SEL1L3: variants seen among roughly 807,000 people sequenced by gnomAD.
SEL1L3 encodes the protein SEL1L family member 3.
SEL1L3 carries 76 observed loss-of-function variants against 142.8 expected under a neutral mutation model. The observed-to-expected ratio is 0.53, with a 90% CI of 0.44 to 0.64. The LOEUF (loss-of-function observed/expected upper bound fraction) is 0.64. Among genes scored for constraint, SEL1L3 ranks in the 30% least tolerant of loss-of-function variants. SEL1L3 has a pLI of 0.00. For missense variants in SEL1L3, 1,262 were observed against 1,381.7 expected (o/e 0.91, Z 1.37); for synonymous variants, 504 against 519.6 (o/e 0.97, Z 0.41).
chr4:25,848,323 G>A (rs752827936), intron 1 of SEL1L3, among the ~76,000 whole-genome samples: 4 of 152,158 alleles, frequency 2.6e-5, no homozygotes, highest in East Asian at 1.9e-4. Flanking sequence ...GTGCACCCTC[G>A]AGGGAACATA....
At chr4:25,769,851 C>T (rs868500108) in intron 17 of SEL1L3, among the ~76,000 whole-genome samples, 5 of 152,064 alleles carry the variant, frequency 3.3e-5, no homozygotes, top group Non-Finnish European at 7.4e-5. Flanking sequence ...TCTGGCCAGG[C>T]GTGTGGTTGC....
intron 23 of SEL1L3, among the ~76,000 whole-genome samples, chr4:25,752,691 GCT>G: frequency 6.6e-6 from 1 of 152,268 alleles, no homozygotes; most frequent in East Asian, 1.9e-4. Context: ...AGCAATCTGG[GCT>G]CTCTGCAGCC....
intron 9 of SEL1L3, among the ~76,000 whole-genome samples, chr4:25,806,078 G>A (rs1235822479): frequency 7.2e-6 from 1 of 139,478 alleles, no homozygotes; most frequent in African/African-American, 2.7e-5. Context: ...TTGCTCTGTC[G>A]CCCAGGCTGG....
chr4:25,862,325 G>C (rs1272594775), intron 1 of SEL1L3, among the ~76,000 whole-genome samples: 1 of 150,974 alleles, frequency 6.6e-6, no homozygotes, highest in African/African-American at 2.4e-5. Context: ...GGGGGTGCTG[G>C]AGACTGCGCG....
At chr4:25,841,958 TC>T (rs1182212062) in intron 2 of SEL1L3, among the ~76,000 whole-genome samples, 3 of 152,082 alleles carry the variant, frequency 2.0e-5, no homozygotes, top group Admixed American at 6.5e-5. Context: ...AGACCCTGTC[TC>T]AAAAAAATTA....
intron 19 of SEL1L3, among the ~76,000 whole-genome samples, chr4:25,767,306 G>T (rs1577572930): frequency 2.0e-5 from 3 of 151,994 alleles, no homozygotes; most frequent in African/African-American, 7.3e-5. Flanking sequence ...CAAAAAATAA[G>T]AAATGTTGGG....
At chr4:25,765,583 G>A in intron 19 of SEL1L3, 148 bp from the exon 20 acceptor site, 1 of 602,826 alleles carries the variant, frequency 1.7e-6, no homozygotes, top group Non-Finnish European at 2.9e-6. Flanking sequence ...TGTCAAGAGA[G>A]AAACAAGCAA....
intron 9 of SEL1L3, among the ~76,000 whole-genome samples, chr4:25,806,913 A>G (rs1713620657): frequency 1.3e-5 from 2 of 152,040 alleles, no homozygotes; most frequent in Admixed American, 6.6e-5. Flanking sequence ...CAGAAATCCC[A>G]TCTCCCTCAA....
At chr4:25,800,245 A>T (rs905238125) in intron 11 of SEL1L3, among the ~76,000 whole-genome samples, 1 of 152,206 alleles carries the variant, frequency 6.6e-6, no homozygotes, top group African/African-American at 2.4e-5. Flanking sequence ...GAATTAATAG[A>T]TTTCTCAACA....
chr4:25,775,009 T>C (rs1719510532), intron 17 of SEL1L3, among the ~76,000 whole-genome samples: 1 of 152,162 alleles, frequency 6.6e-6, no homozygotes, highest in Admixed American at 6.6e-5. Context: ...CACTCCGATA[T>C]CTGAATGTTT....
At chr4:25,849,640 C>T (rs1229500389) in intron 1 of SEL1L3, among the ~76,000 whole-genome samples, 1 of 152,120 alleles carries the variant, frequency 6.6e-6, no homozygotes, top group Non-Finnish European at 1.5e-5. Context: ...GTCCTTAACA[C>T]CACTGAACTG....
chr4:25,766,605 C>G (rs917145204), intron 19 of SEL1L3, among the ~76,000 whole-genome samples: 1 of 152,084 alleles, frequency 6.6e-6, no homozygotes, highest in Admixed American at 6.6e-5. Flanking sequence ...CAGAGATCAG[C>G]AGTGAGAAGG....
intron 23 of SEL1L3, among the ~76,000 whole-genome samples, chr4:25,749,853 C>T (rs1717471743): frequency 6.6e-6 from 1 of 152,154 alleles, no homozygotes; most frequent in Non-Finnish European, 1.5e-5. Context: ...CAATTTTACA[C>T]AGTTGAACAG....
At chr4:25,815,706 C>T (rs1172531943) in intron 9 of SEL1L3, among the ~76,000 whole-genome samples, 1 of 152,022 alleles carries the variant, frequency 6.6e-6, no homozygotes, top group Non-Finnish European at 1.5e-5. Context: ...GCTTCGTCAC[C>T]TCCAGACAAC....
chr4:25,716,622 T>C, the SEL1L3 span, among the ~76,000 whole-genome samples: 2 of 152,196 alleles, frequency 1.3e-5, no homozygotes, highest in Admixed American at 6.5e-5. Context: ...ATTACAAAAT[T>C]GAACATTATA....
chr4:25,823,300 G>A lies in SEL1L3; in HGVS notation c.1158-1172C>T, dbSNP rs532717812. On this transcript the variant is annotated intron_variant, in intron 6 of 23. Coordinates refer to ENST00000399878, the MANE Select transcript of SEL1L3 (RefSeq NM_015187.5). ...GGAGGCCAAGGTGGGCAGATCACCT[G>A]AGGTCAGGAGTTCAAGACCAGCCTG... Among the ~76,000 whole-genome samples, 5 of 152,340 alleles carry A rather than the reference G, an allele frequency of 3.3e-5. No homozygotes were observed. In the East Asian group the frequency reaches 9.6e-4, roughly 29 times the overall value.
intron 23 of SEL1L3, among the ~76,000 whole-genome samples, chr4:25,750,335 G>A (rs973934443): frequency 1.3e-5 from 2 of 152,014 alleles, no homozygotes; most frequent in East Asian, 1.9e-4. Flanking sequence ...AGACAGCCCC[G>A]AGGGCCCAAA....
At position 25,818,283 on chromosome 4, in the gene SEL1L3, A is replaced by T. The variant is rs200551398; in HGVS notation, c.1424-5T>A. 1.1e-4 allele frequency: 176 copies of T among 1,595,714 alleles called. No individual in the cohort carries two copies. Among genetic ancestry groups the T allele is most frequent in the Admixed American group, 2.1e-4 (12 of 57,044 alleles). On this transcript the variant is annotated splice_region_variant and splice_polypyrimidine_tract_variant and intron_variant, in intron 8 of 23. Coordinates refer to ENST00000399878, the MANE Select transcript of SEL1L3 (RefSeq NM_015187.5). ...GGTAGGAGTTGTGGAGGTGGCCTAC[A>T]CAGAAGAGGGAGCAGAAGATATCAC...
At chr4:25,819,657 C>T in intron 8 of SEL1L3, 151 bp downstream of exon 8, 1 of 621,942 alleles carries the variant, frequency 1.6e-6, no homozygotes, top group Non-Finnish European at 2.6e-6. Context: ...CACCTGTATC[C>T]ACCAGTGGAG....
Sources: allele counts gnomAD v4.1 joint callset (sites outside exome capture counted in the v4.1 genomes callset), GRCh38; gene constraint gnomAD v4.1.1; transcripts MANE v1.5; gene names NCBI Gene and HGNC (gene_info 2026-07-23, HGNC 2026-07-21).